The following TANC1 variants were observed in gnomAD, a reference collection of about 807,000 sequenced individuals.
TANC1 encodes protein TANC1.
Under a neutral mutation model 149.7 loss-of-function variants are expected in TANC1, and 77 were observed. The observed-to-expected ratio is 0.51, with a 90% CI of 0.43 to 0.62. The LOEUF is 0.62. TANC1 is among the 20% of genes least tolerant of loss of function. The probability of loss-of-function intolerance (pLI) is 0.00; values close to 1 mark genes in which losing one functional copy is unlikely to be tolerated. For missense variants in TANC1, 1,985 were observed against 2,321.8 expected, an observed-to-expected ratio of 0.85 and a Z score of 2.98; for synonymous variants, 854 against 925.0, an observed-to-expected ratio of 0.92 and a Z score of 1.39.
chr2:159,206,423 G>T (rs2058611066), intron 19 of TANC1, among the ~76,000 whole-genome samples: 1 of 152,200 alleles, frequency 6.6e-6, no homozygotes, highest in African/African-American at 2.4e-5. Context: ...TGCGAAGAAG[G>T]CAGAGGGGTC....
At chr2:159,092,729 G>A (rs1009876769) in intron 3 of TANC1, among the ~76,000 whole-genome samples, 1 of 152,192 alleles carries the variant, frequency 6.6e-6, no homozygotes, top group East Asian at 1.9e-4. Context: ...AAGCAAAGGA[G>A]TGTGTGTGTA....
At chr2:159,085,444 G>T (rs2044737936) in intron 3 of TANC1, among the ~76,000 whole-genome samples, 1 of 152,108 alleles carries the variant, frequency 6.6e-6, no homozygotes, top group Admixed American at 6.6e-5. Flanking sequence ...AAGGGCTTAA[G>T]AACTGCCAGC....
At chr2:158,976,582 C>T (rs902257859) in intron 1 of TANC1, among the ~76,000 whole-genome samples, 2 of 152,118 alleles carry the variant, frequency 1.3e-5, no homozygotes, top group Non-Finnish European at 2.9e-5. Context: ...AAGAAGGTGG[C>T]TCAAAAATTA....
intron 2 of TANC1, among the ~76,000 whole-genome samples, chr2:159,029,889 A>G (rs1438091659): frequency 1.3e-5 from 2 of 152,064 alleles, no homozygotes; most frequent in Non-Finnish European, 2.9e-5. Context: ...GGGTCTTGCC[A>G]TCTTGTCCAG....
intron 2 of TANC1, among the ~76,000 whole-genome samples, chr2:159,064,535 G>A (rs2149686134): frequency 6.6e-6 from 1 of 152,340 alleles, no homozygotes; most frequent in East Asian, 1.9e-4. Flanking sequence ...AGGTGGTCCT[G>A]CTGGGCTGCT....
At chr2:159,221,237 T>C (rs2357055) in intron 22 of TANC1, among the ~76,000 whole-genome samples, 13,131 of 151,934 alleles carry the variant, frequency 0.086, 1,198 homozygotes, top group East Asian at 0.23. Flanking sequence ...AAAAATTAGC[T>C]GGGCGTGGTG....
intron 25 of TANC1, 64 bp from the exon 26 acceptor site, chr2:159,228,732 G>C (rs1464194872): frequency 1.6e-6 from 2 of 1,220,048 alleles, no homozygotes; most frequent in Non-Finnish European, 2.4e-6. Context: ...AACAAAACTA[G>C]ACGGGCTTCC....
intron 17 of TANC1, among the ~76,000 whole-genome samples, chr2:159,195,167 C>T (rs577845254): frequency 9.5e-4 from 144 of 152,344 alleles, no homozygotes; most frequent in African/African-American, 3.3e-3. Context: ...GTCACTCAGT[C>T]TGGAGTGCAG....
intron 19 of TANC1, among the ~76,000 whole-genome samples, chr2:159,208,332 CAT>C (rs2150826988): frequency 2.6e-5 from 4 of 152,260 alleles, no homozygotes; most frequent in African/African-American, 9.6e-5. Flanking sequence ...AAGATGGAGT[CAT>C]AAGTGAAGGA....
intron 4 of TANC1, among the ~76,000 whole-genome samples, chr2:159,123,268 G>A (rs983333848): frequency 1.3e-5 from 2 of 152,128 alleles, no homozygotes; most frequent in Admixed American, 6.5e-5. Flanking sequence ...TGTATAGGGC[G>A]AAGGGTGGAG....
At chr2:159,194,179 A>G (rs1198254437) in intron 16 of TANC1, 78 bp from the exon 17 acceptor site, 1 of 1,160,602 alleles carries the variant, frequency 8.6e-7, no homozygotes, top group South Asian at 1.3e-5. Flanking sequence ...GATACCGAAA[A>G]TTGAGGATAC....
chr2:159,075,170 G>A (rs1193645027), intron 3 of TANC1, among the ~76,000 whole-genome samples: 1 of 152,068 alleles, frequency 6.6e-6, no homozygotes, highest in Non-Finnish European at 1.5e-5. Context: ...CAATCAATTA[G>A]AATGTTTATT....
intron 1 of TANC1, among the ~76,000 whole-genome samples, chr2:158,992,681 T>A (rs1403103432): frequency 1.1e-5 from 1 of 88,630 alleles, no homozygotes; most frequent in African/African-American, 3.7e-5. Context: ...TTTTTTTTTT[T>A]TTTTTTTTTT....
Position 159,163,243 on chromosome 2 carries a change from T to G in TANC1, c.683-40T>G, listed in dbSNP as rs566533828. ...TGTTTTAATTCTTCAGCCCCAGCTGTGCCTGGCCTCCTTCAAAGTATTTTG... is the reference window on the plus strand; with the variant it reads ...TGTTTTAATTCTTCAGCCCCAGCTGGGCCTGGCCTCCTTCAAAGTATTTTG... On this transcript the variant is annotated intron_variant, in intron 7 of 26. Coordinates refer to ENST00000263635, the MANE Select transcript of TANC1 (RefSeq NM_033394.3). 1.0e-5 allele frequency: 16 copies of G among 1,593,274 alleles called. No individual in the cohort carries two copies. In the South Asian group the frequency reaches 1.6e-4, roughly 16 times the overall value.
At chr2:159,138,567 T>A (rs1317336572) in intron 5 of TANC1, among the ~76,000 whole-genome samples, 3 of 152,248 alleles carry the variant, frequency 2.0e-5, no homozygotes, top group African/African-American at 4.8e-5. Context: ...GTTTGAGTGT[T>A]AACCCAGGTG....
intron 4 of TANC1, among the ~76,000 whole-genome samples, chr2:159,106,473 A>T (rs371483): frequency 0.96 from 146,566 of 152,312 alleles, 70,621 homozygotes; most frequent in East Asian, 1. Flanking sequence ...GGTTCATCCA[A>T]GTTGTGGCAT....
intron 7 of TANC1, among the ~76,000 whole-genome samples, chr2:159,162,133 A>G (rs115231084): frequency 2.6e-4 from 40 of 152,360 alleles, no homozygotes; most frequent in African/African-American, 9.1e-4. Flanking sequence ...TCTAAACCGT[A>G]AAGAATATAA....
chr2:159,168,211 C>T (rs137910595), intron 8 of TANC1, among the ~76,000 whole-genome samples: 1 of 151,860 alleles, frequency 6.6e-6, no homozygotes, highest in Non-Finnish European at 1.5e-5. Flanking sequence ...TATGTACTTG[C>T]TTCTAAGATT....
chr2:159,214,189 G>A (rs1575303255), intron 19 of TANC1, among the ~76,000 whole-genome samples: 1 of 102,190 alleles, frequency 9.8e-6, no homozygotes, highest in Non-Finnish European at 1.8e-5. Context: ...GTGGGGGGTG[G>A]GTATTGTGTT....
Sources: gnomAD v4.1 joint callset for allele counts (sites outside exome capture counted in the v4.1 genomes callset) on GRCh38, gnomAD v4.1.1 for gene constraint, MANE v1.5 for transcripts, NCBI Gene and HGNC (gene_info 2026-07-23, HGNC 2026-07-21) for gene names.